WDR37: variants seen among roughly 807,000 people sequenced by gnomAD.
The protein encoded by WDR37 is WD repeat-containing protein 37.
Under a neutral mutation model 62.9 loss-of-function variants are expected in WDR37, and 19 were observed. The observed-to-expected ratio is 0.30, with a 90% confidence interval of 0.21 to 0.44. The LOEUF (loss-of-function observed/expected upper bound fraction) is 0.44. Ranked by LOEUF, WDR37 falls within the 20% of genes least tolerant of loss-of-function variation. The probability of loss-of-function intolerance (pLI) is 1.00; values close to 1 mark genes in which losing one functional copy is unlikely to be tolerated. For synonymous variants in WDR37, 250 were observed against 260.9 expected (o/e 0.96, Z 0.40); for missense variants, 474 against 657.6 (o/e 0.72, Z 3.05).
intron 13 of WDR37, among the ~76,000 whole-genome samples, chr10:1,128,359 A>G (rs1395972532): frequency 6.6e-6 from 1 of 152,260 alleles, no homozygotes; most frequent in Non-Finnish European, 1.5e-5. Context: ...AGTGTTGGCT[A>G]AGAGCCTGCA....
At chr10:1,071,195 A>C (rs545848721) in intron 1 of WDR37, among the ~76,000 whole-genome samples, 30 of 152,094 alleles carry the variant, frequency 2.0e-4, no homozygotes, top group Non-Finnish European at 4.0e-4. Flanking sequence ...AAGATGATGG[A>C]GGCATGTTGG....
intron 5 of WDR37, among the ~76,000 whole-genome samples, chr10:1,083,789 G>A (rs1160403495): frequency 6.6e-6 from 1 of 152,220 alleles, no homozygotes; most frequent in African/African-American, 2.4e-5. Flanking sequence ...AGGGGCCTAC[G>A]GCCGCGCTGC....
intron 1 of WDR37, among the ~76,000 whole-genome samples, chr10:1,067,064 C>G (rs1833577276): frequency 6.6e-6 from 1 of 152,166 alleles, no homozygotes; most frequent in Non-Finnish European, 1.5e-5. Context: ...ATAGCCAAAC[C>G]ATATCACTGC....
At chr10:1,128,022 T>C (rs1251516040) in intron 13 of WDR37, among the ~76,000 whole-genome samples, 1 of 152,262 alleles carries the variant, frequency 6.6e-6, no homozygotes, top group African/African-American at 2.4e-5. Context: ...AGTTAGTGGA[T>C]GCATTGCTGC....
chr10:1,061,743 G>T (rs1833377991), intron 1 of WDR37, among the ~76,000 whole-genome samples: 1 of 151,880 alleles, frequency 6.6e-6, no homozygotes, highest in African/African-American at 2.4e-5. Flanking sequence ...GGAGGCTGAG[G>T]CAGGAGAATT....
chr10:1,097,863 A>G (rs1279433768), intron 9 of WDR37, among the ~76,000 whole-genome samples: 2 of 152,082 alleles, frequency 1.3e-5, no homozygotes, highest in African/African-American at 4.8e-5. Flanking sequence ...GGGAACATGT[A>G]ACTTGTTTGG....
intron 7 of WDR37, among the ~76,000 whole-genome samples, chr10:1,089,313 C>T (rs147118072): frequency 2.3e-3 from 354 of 152,242 alleles, no homozygotes; most frequent in Non-Finnish European, 4.0e-3. Flanking sequence ...ACCCTCGCTC[C>T]GGCTGGTCTC....
intron 1 of WDR37, among the ~76,000 whole-genome samples, chr10:1,064,583 C>CTTTTTTTTTTTTT (rs71376884): frequency 1.3e-4 from 9 of 70,490 alleles, no homozygotes; most frequent in African/African-American, 4.8e-4. Context: ...GACAATGGAT[C>CTTTTTTTTTTTTT]TTTTTTTTTT....
At chr10:1,090,404 C>A (rs1020625611) in intron 7 of WDR37, among the ~76,000 whole-genome samples, 2 of 152,212 alleles carry the variant, frequency 1.3e-5, no homozygotes, top group Admixed American at 6.5e-5. Context: ...GGTGATCCAG[C>A]CGCCTCGGCC....
intron 11 of WDR37, among the ~76,000 whole-genome samples, chr10:1,122,708 A>C (rs1014856466): frequency 2.0e-5 from 3 of 152,192 alleles, no homozygotes; most frequent in African/African-American, 7.2e-5. Flanking sequence ...TTCAAATGTC[A>C]TTTTATTATT....
At chr10:1,092,872 CAAAAAAA>C (rs56220560) in intron 7 of WDR37, among the ~76,000 whole-genome samples, 618 of 41,976 alleles carry the variant, frequency 0.015, 6 homozygotes, top group African/African-American at 0.044. Context: ...CCCTATCTCA[CAAAAAAA>C]AAAAAAAAAA....
At chr10:1,123,273 A>G (rs1835643048) in intron 11 of WDR37, among the ~76,000 whole-genome samples, 1 of 152,256 alleles carries the variant, frequency 6.6e-6, no homozygotes, top group South Asian at 2.1e-4. Context: ...AATATACATA[A>G]TATGAAACTT....
chr10:1,074,957 A>G (rs1833829816), intron 2 of WDR37, among the ~76,000 whole-genome samples: 1 of 152,270 alleles, frequency 6.6e-6, no homozygotes, highest in African/African-American at 2.4e-5. Context: ...ACGTGCGTGC[A>G]GGTGCTTTCA....
chr10:1,081,375 G>A (rs1348416336), intron 5 of WDR37, among the ~76,000 whole-genome samples: 1 of 152,220 alleles, frequency 6.6e-6, no homozygotes, highest in African/African-American at 2.4e-5. Flanking sequence ...AAGATAAATT[G>A]AAATTTTCAG....
intron 1 of WDR37, among the ~76,000 whole-genome samples, chr10:1,057,242 A>T (rs1450017304): frequency 6.8e-6 from 1 of 147,342 alleles, no homozygotes; most frequent in Non-Finnish European, 1.5e-5. Flanking sequence ...TGGCGGTGCC[A>T]GAGGGACCAG....
chr10:1,090,069 C>T (rs534050542), intron 7 of WDR37, among the ~76,000 whole-genome samples: 17 of 152,320 alleles, frequency 1.1e-4, no homozygotes, highest in South Asian at 4.1e-4. Flanking sequence ...CACGTTGAAA[C>T]GATTCTCCTG....
At chr10:1,098,748 C>T (rs1834687750) in intron 9 of WDR37, among the ~76,000 whole-genome samples, 1 of 152,216 alleles carries the variant, frequency 6.6e-6, no homozygotes, top group Non-Finnish European at 1.5e-5. Flanking sequence ...GACTTAGAGT[C>T]TCCAGAACTG....
At chr10:1,108,683 T>G (rs1232849486) in intron 11 of WDR37, among the ~76,000 whole-genome samples, 1 of 151,716 alleles carries the variant, frequency 6.6e-6, no homozygotes, top group African/African-American at 2.4e-5. Context: ...CACCTGCACT[T>G]TGTTGGTGTT....
chr10:1,093,068 G>A (rs1021931183), intron 7 of WDR37, among the ~76,000 whole-genome samples: 8 of 151,922 alleles, frequency 5.3e-5, no homozygotes, highest in African/African-American at 1.2e-4. Context: ...GAAGGAAGGC[G>A]GATGGGGCGG....
Sources: gnomAD v4.1 joint callset for allele counts (sites outside exome capture counted in the v4.1 genomes callset) on GRCh38, gnomAD v4.1.1 for gene constraint, MANE v1.5 for transcripts, NCBI Gene and HGNC (gene_info 2026-07-23, HGNC 2026-07-21) for gene names.